TAB1: variants seen among roughly 807,000 people sequenced by gnomAD.
The protein encoded by TAB1 is TGF-beta-activated kinase 1 and MAP3K7-binding protein 1.
TAB1 carries 30 observed loss-of-function variants against 54.5 expected under a neutral mutation model. The observed-to-expected ratio is 0.55, with a 90% CI of 0.41 to 0.75. TAB1 has a LOEUF of 0.75. TAB1 is among the 30% of genes least tolerant of loss of function. TAB1 has a pLI of 0.00. For missense variants in TAB1, 609 were observed against 683.2 expected, an observed-to-expected ratio of 0.89 and a Z score of 1.21; for synonymous variants, 289 against 286.9, an observed-to-expected ratio of 1.01 and a Z score of -0.07.
intron 8 of TAB1, 76 bp downstream of exon 8, chr22:39,422,047 A>G (rs1927114194): frequency 1.5e-6 from 2 of 1,311,418 alleles, no homozygotes; most frequent in African/African-American, 1.5e-5. Context: ...CCTGCCTTCT[A>G]GCACTGTGAT....
At chr22:39,416,903 G>C (rs1298107296) in intron 4 of TAB1, 26 bp downstream of exon 4, 1 of 1,612,190 alleles carries the variant, frequency 6.2e-7, no homozygotes, top group Non-Finnish European at 8.5e-7. Context: ...GACACCCAGG[G>C]GAGTCAAGTC....
chr22:39,403,640 C>CTTT (rs35800128), intron 1 of TAB1, among the ~76,000 whole-genome samples: 13 of 137,368 alleles, frequency 9.5e-5, no homozygotes, highest in Non-Finnish European at 1.2e-4. Context: ...AAAAATCCCT[C>CTTT]TTTTTTTTTT....
downstream of TAB1, chr22:39,432,778 C>T (rs1011674327): frequency 3.6e-5 from 35 of 985,586 alleles, no homozygotes; most frequent in African/African-American, 4.0e-4. Context: ...CGTGTGGGGC[C>T]GGGCGCTGCA....
At chr22:39,421,016 C>T (rs4568039) in intron 7 of TAB1, among the ~76,000 whole-genome samples, 3 of 149,822 alleles carry the variant, frequency 2.0e-5, no homozygotes, top group African/African-American at 7.4e-5. Context: ...TGTGTCCTGC[C>T]CCTCCCAGGT....
At chr22:39,407,138 G>A (rs1460679206) in intron 1 of TAB1, among the ~76,000 whole-genome samples, 1 of 152,210 alleles carries the variant, frequency 6.6e-6, no homozygotes, top group Non-Finnish European at 1.5e-5. Context: ...TAGTTTGGCT[G>A]GGGGAGACAG....
chr22:39,420,874 G>GTC (rs200204027), intron 7 of TAB1, among the ~76,000 whole-genome samples: 1 of 108,640 alleles, frequency 9.2e-6, no homozygotes, highest in Non-Finnish European at 1.8e-5. Flanking sequence ...GTGCTGGGGT[G>GTC]TCTCTCTCTG....
Position 39,407,544 on chromosome 22 carries a change from C to G in TAB1, c.34-7462C>G, listed in dbSNP as rs113279881. ...TGTCTCCCAGGCTGGAGTGCAGTGG[C>G]GTGATCTCGGCTCACTGCACGCTCT... On this transcript the variant is annotated intron_variant, in intron 1 of 10. Transcript: ENST00000216160. Among the ~76,000 whole-genome samples the G allele has an allele frequency of 3.2e-3, 482 of 151,494 alleles. 4 individuals carry two copies. The highest frequency in any genetic ancestry group is 0.01 in the African/African-American group (429 of 41,266).
downstream of TAB1, chr22:39,432,596 C>A: frequency 3.5e-6 from 1 of 287,856 alleles, no homozygotes; most frequent in Non-Finnish European, 5.2e-6. Context: ...CTGAGGACCA[C>A]CATGGCCCCT....
intron 6 of TAB1, 40 bp from the exon 7 acceptor site, chr22:39,419,479 T>C: frequency 6.7e-7 from 1 of 1,503,024 alleles, no homozygotes; most frequent in Non-Finnish European, 9.2e-7. Context: ...TTCCTCTTTG[T>C]GAACAAGAAG....
intron 4 of TAB1, 128 bp from the exon 5 acceptor site, chr22:39,417,583 T>G (rs1926891720): frequency 8.8e-6 from 8 of 913,298 alleles, no homozygotes; most frequent in Non-Finnish European, 1.3e-5. Flanking sequence ...ATCATGCCAC[T>G]GCACTGTAGC....
rs3043616 is a variant in TAB1 at position 39,412,028 on chromosome 22, ATTGTTTTGTT to A, written c.34-2961_34-2952del. Among the ~76,000 whole-genome samples, 16 of 152,064 alleles carry A rather than the reference ATTGTTTTGTT, an allele frequency of 1.1e-4. No individual in the cohort carries two copies. In the East Asian group the frequency reaches 1.2e-3, roughly 11 times the overall value. ...TTTCATTTATGTGACATTGTGTGAC[ATTGTTTTGTT>A]TTGTTTTGTTTTGTTTGGAGACAGA... On this transcript the variant is annotated intron_variant, in intron 1 of 10. Transcript: ENST00000216160.
rs749253181 is a variant in TAB1, at chr22:39,431,472, C to T, written c.*1250C>T. ...CACGCCCTCCCCATCTCCCAGTCTC[C>T]CTGCCCCCCATGCCCCAGACCGGCC... On this transcript the variant is annotated 3_prime_UTR_variant, in exon 11 of 11. Transcript: ENST00000216160. 7.6e-5 allele frequency: 75 copies of T among 985,738 alleles called. No individual in the cohort carries two copies. The highest frequency in any genetic ancestry group is 8.9e-5 in the Non-Finnish European group (74 of 830,220). 61.1% of individuals were successfully genotyped at this position (985,738 alleles called of 1,614,324 possible). A position where few individuals can be genotyped will look rare whatever the true frequency, so the allele number is the denominator to read the frequency against.
chr22:39,404,104 A>C (rs1003251049), intron 1 of TAB1, among the ~76,000 whole-genome samples: 3 of 152,186 alleles, frequency 2.0e-5, no homozygotes, highest in Non-Finnish European at 4.4e-5. Flanking sequence ...GGAAGAGCTC[A>C]TGTGATTTGC....
chr22:39,425,677 G>C (rs1927295339), intron 8 of TAB1, among the ~76,000 whole-genome samples: 1 of 151,456 alleles, frequency 6.6e-6, no homozygotes, highest in Admixed American at 6.6e-5. Flanking sequence ...CTCCCGAGTA[G>C]CTGGGACTAC....
Position 39,431,152 on chromosome 22 carries a change from AGAG to A in TAB1, c.*934_*936del, listed in dbSNP as rs1927569173. 1 of 985,806 alleles carries A rather than the reference AGAG, an allele frequency of 1.0e-6. No homozygotes were observed. The highest frequency in any genetic ancestry group is 4.7e-5 in the South Asian group (1 of 21,302). 61.1% of individuals were successfully genotyped at this position (985,806 alleles called of 1,614,324 possible). A position where few individuals can be genotyped will look rare whatever the true frequency, so the allele number is the denominator to read the frequency against. On this transcript the variant is annotated 3_prime_UTR_variant, in exon 11 of 11. Coordinates refer to ENST00000216160, the MANE Select transcript of TAB1 (RefSeq NM_006116.3). The stretch of plus-strand genomic sequence containing the variant: ...AGGCTGGGGGACTTGTTTGAAAGAA[AGAG>A]GAGTGGAAAATGGTTCCAGGAGGGA...
intron 8 of TAB1, among the ~76,000 whole-genome samples, chr22:39,425,395 A>T (rs1320535733): frequency 6.6e-6 from 1 of 151,776 alleles, no homozygotes; most frequent in African/African-American, 2.4e-5. Context: ...AAAAAAAAAA[A>T]TTACATGGGA....
At chr22:39,414,721 C>T (rs1281781059) in intron 1 of TAB1, 6 of 365,776 alleles carry the variant, frequency 1.6e-5, no homozygotes, top group African/African-American at 6.4e-5. Flanking sequence ...GTGTGTTTCA[C>T]TAGGTTTCAT....
At chr22:39,423,647 T>G (rs1266469546) in intron 8 of TAB1, among the ~76,000 whole-genome samples, 1 of 152,160 alleles carries the variant, frequency 6.6e-6, no homozygotes, top group Non-Finnish European at 1.5e-5. Context: ...TTCTTTAAAA[T>G]TTGAAAATTA....
rs892950932 is a variant in TAB1, at chr22:39,415,467, C to A, written c.171-33C>A. The A allele has an allele frequency of 1.2e-6, 2 of 1,602,898 alleles. No individual in the cohort carries two copies. The highest frequency in any genetic ancestry group is 2.7e-5 in the African/African-American group (2 of 74,722). On this transcript the variant is annotated intron_variant, in intron 2 of 10. Coordinates refer to ENST00000216160, the MANE Select transcript of TAB1 (RefSeq NM_006116.3). This position sits in a 1 kb window ranked among gnomAD's most constrained non-coding sequence, Gnocchi z 4.9. ...CCCTCCACCTCCGTGAGACCCTGGT[C>A]TCAGGCCTCCCTCTGCCCTCTCCCT...
Sources: gnomAD v4.1 joint callset for allele counts (sites outside exome capture counted in the v4.1 genomes callset) on GRCh38, gnomAD v4.1.1 for gene constraint, Gnocchi (gnomAD v3.1) non-coding constraint, MANE v1.5 for transcripts, NCBI Gene and HGNC (gene_info 2026-07-23, HGNC 2026-07-21) for gene names.